The following GRID1 variants were observed in gnomAD, a reference collection of about 807,000 sequenced individuals.
GRID1 encodes the protein glutamate ionotropic receptor delta type subunit 1.
GRID1 carries 28 observed loss-of-function variants against 98.0 expected under a neutral mutation model. The observed-to-expected ratio is 0.29, with a 90% CI of 0.21 to 0.39. GRID1 has a LOEUF of 0.39. Among genes scored for constraint, GRID1 ranks in the 10% least tolerant of loss-of-function variants. The pLI, the probability that GRID1 is intolerant of heterozygous loss-of-function variation, is 1.00. For missense variants in GRID1, 1,111 were observed against 1,340.5 expected, an observed-to-expected ratio of 0.83 and a Z score of 2.67; for synonymous variants, 553 against 538.5, an observed-to-expected ratio of 1.03 and a Z score of -0.37.
chr10:86,354,765 A>T (rs921629037), intron 2 of GRID1, among the ~76,000 whole-genome samples: 2 of 152,108 alleles, frequency 1.3e-5, no homozygotes, highest in Admixed American at 1.3e-4. Context: ...CACTCTATGC[A>T]CTCAGAGCAG....
At chr10:85,639,399 G>C (rs1488024798) in intron 13 of GRID1, among the ~76,000 whole-genome samples, 1 of 152,182 alleles carries the variant, frequency 6.6e-6, no homozygotes, top group Non-Finnish European at 1.5e-5. Context: ...AAATCTGCAA[G>C]CGGTTGTCTC....
intron 4 of GRID1, among the ~76,000 whole-genome samples, chr10:86,030,700 G>A (rs976305745): frequency 2.6e-5 from 4 of 152,224 alleles, no homozygotes; most frequent in African/African-American, 9.6e-5. Context: ...TGATATAGGA[G>A]TTAAGAAGAA....
intron 4 of GRID1, among the ~76,000 whole-genome samples, chr10:85,982,952 C>G (rs1366776466): frequency 1.3e-5 from 2 of 152,174 alleles, no homozygotes; most frequent in African/African-American, 4.8e-5. Flanking sequence ...CAACCTGGCA[C>G]TTTTATGGCT....
At chr10:85,652,070 G>A (rs1370404143) in intron 12 of GRID1, among the ~76,000 whole-genome samples, 1 of 152,070 alleles carries the variant, frequency 6.6e-6, no homozygotes, top group Non-Finnish European at 1.5e-5. Context: ...CTTGCAAAAG[G>A]ACTTTGTAAG....
intron 8 of GRID1, among the ~76,000 whole-genome samples, chr10:85,768,970 G>T (rs1476104893): frequency 6.6e-6 from 1 of 152,160 alleles, no homozygotes; most frequent in African/African-American, 2.4e-5. Context: ...CTTTTCAGAA[G>T]ATTGGAAATA....
At chr10:85,888,475 C>T (rs1357381440) in intron 5 of GRID1, among the ~76,000 whole-genome samples, 3 of 152,228 alleles carry the variant, frequency 2.0e-5, no homozygotes, top group Non-Finnish European at 4.4e-5. Context: ...TTTTGAGAAG[C>T]TTACCCCATT....
chr10:86,212,797 A>C (rs1210477738), intron 2 of GRID1, among the ~76,000 whole-genome samples: 1 of 152,222 alleles, frequency 6.6e-6, no homozygotes, highest in Non-Finnish European at 1.5e-5. Flanking sequence ...TAAATAATTG[A>C]CCAAATTTAG....
chr10:86,177,149 G>A (rs899955867), intron 3 of GRID1, among the ~76,000 whole-genome samples: 1 of 150,724 alleles, frequency 6.6e-6, no homozygotes, highest in Non-Finnish European at 1.5e-5. Flanking sequence ...ACACCCTCCA[G>A]GAACAAGCAC....
At chr10:85,970,719 A>G (rs1842397215) in intron 4 of GRID1, among the ~76,000 whole-genome samples, 2 of 152,114 alleles carry the variant, frequency 1.3e-5, no homozygotes, top group South Asian at 4.1e-4. Context: ...TGCAGCTAAC[A>G]TCATACTGAA....
At chr10:85,861,401 T>G (rs1431267262) in intron 6 of GRID1, among the ~76,000 whole-genome samples, 1 of 152,124 alleles carries the variant, frequency 6.6e-6, no homozygotes, top group Non-Finnish European at 1.5e-5. Context: ...GCCCCCAGGG[T>G]CTGAGCCACA....
chr10:86,337,589 C>A (rs138339086), intron 2 of GRID1, among the ~76,000 whole-genome samples: 228 of 152,034 alleles, frequency 1.5e-3, no homozygotes, highest in Middle Eastern at 3.4e-3. Context: ...CTACAGCCAC[C>A]AAGGAAGAAC....
intron 4 of GRID1, among the ~76,000 whole-genome samples, chr10:86,003,116 A>T (rs1842820304): frequency 6.6e-6 from 1 of 152,148 alleles, no homozygotes; most frequent in South Asian, 2.1e-4. Flanking sequence ...CTAACCCAGA[A>T]CCTCCTGGGC....
At chr10:86,109,344 A>G (rs901112857) in intron 4 of GRID1, among the ~76,000 whole-genome samples, 4 of 152,240 alleles carry the variant, frequency 2.6e-5, no homozygotes, top group Admixed American at 1.3e-4. Flanking sequence ...GCCACCGCCC[A>G]GGGTGAACAA....
At chr10:86,146,541 G>C (rs2131977431) in intron 3 of GRID1, among the ~76,000 whole-genome samples, 1 of 152,266 alleles carries the variant, frequency 6.6e-6, no homozygotes, top group East Asian at 1.9e-4. Flanking sequence ...CAATCACAGG[G>C]ATACCCTTGC....
rs546493274 is a variant in GRID1 at position 85,872,145 on chromosome 10, G to A, written c.781-2965C>T. On this transcript the variant is annotated intron_variant, in intron 5 of 15. Coordinates refer to ENST00000327946, the MANE Select transcript of GRID1 (RefSeq NM_017551.3). ...GCCTTGGTGACCAAGGCCCTGCCCC[G>A]AACACAGGATACAGAATAAGAGAAA... Among the ~76,000 whole-genome samples the A allele has an allele frequency of 2.6e-5, 4 of 152,094 alleles. No homozygotes were observed. The East Asian group carries it at 5.9e-4, about 22-fold the overall frequency.
intron 4 of GRID1, among the ~76,000 whole-genome samples, chr10:85,974,718 T>A (rs1157613865): frequency 6.6e-6 from 1 of 152,194 alleles, no homozygotes; most frequent in Non-Finnish European, 1.5e-5. Flanking sequence ...TTTTCATGGA[T>A]GATGGACATG....
At chr10:86,353,703 T>C (rs1423181473) in intron 2 of GRID1, among the ~76,000 whole-genome samples, 2 of 152,202 alleles carry the variant, frequency 1.3e-5, no homozygotes, top group African/African-American at 4.8e-5. Flanking sequence ...CCCTCAGCTC[T>C]CCAGGCCCAG....
intron 2 of GRID1, among the ~76,000 whole-genome samples, chr10:86,220,139 G>GTTCATTCA (rs936787480): frequency 9.2e-5 from 14 of 152,290 alleles, no homozygotes; most frequent in African/African-American, 2.4e-4. Context: ...CTCGGGAAGT[G>GTTCATTCA]TTCATTCATT....
At chr10:85,788,216 TC>T (rs1268139323) in intron 8 of GRID1, among the ~76,000 whole-genome samples, 1 of 152,112 alleles carries the variant, frequency 6.6e-6, no homozygotes, top group African/African-American at 2.4e-5. Flanking sequence ...CCTTTTCCTT[TC>T]ATGGTTTGCT....
Sources: allele counts gnomAD v4.1 joint callset (sites outside exome capture counted in the v4.1 genomes callset), GRCh38; gene constraint gnomAD v4.1.1; transcripts MANE v1.5; gene names NCBI Gene and HGNC (gene_info 2026-07-23, HGNC 2026-07-21).